Variants in PAICS observed in about 807,000 individuals in gnomAD.
PAICS encodes the protein bifunctional phosphoribosylaminoimidazole carboxylase/phosphoribosylaminoimidazole succinocarboxamide synthetase.
Under a neutral mutation model 53.7 loss-of-function variants are expected in PAICS, and 33 were observed. That is an observed-to-expected ratio of 0.61 (90% CI 0.47 to 0.82). The LOEUF (loss-of-function observed/expected upper bound fraction) is 0.82. Among genes scored for constraint, PAICS ranks in the 40% least tolerant of loss-of-function variants. The probability of loss-of-function intolerance (pLI) is 0.00; values close to 1 mark genes in which losing one functional copy is unlikely to be tolerated. For synonymous variants in PAICS, 141 were observed against 167.2 expected (o/e 0.84, Z 1.21); for missense variants, 394 against 494.1 (o/e 0.80, Z 1.92).
rs1398145432 is a variant in PAICS, at chr4:56,446,489, GAAC to G, written c.215-203_215-201del. 8.7e-6 allele frequency: 6 copies of G among 685,772 alleles called. No homozygotes were observed. In the African/African-American group the frequency reaches 8.9e-5, roughly 10 times the overall value. 42.5% of individuals were successfully genotyped at this position (685,772 alleles called of 1,614,324 possible). ...AGGAATTTCGTTCCTTTTTATGGCT[GAAC>G]AATACATTGTATGTATAGTCATGTG... On this transcript the variant is annotated intron_variant, in intron 2 of 8. Coordinates refer to ENST00000512576, the MANE Select transcript of PAICS (RefSeq NM_001079524.2).
chr4:56,415,558 C>T, the PAICS span, among the ~76,000 whole-genome samples: 1 of 152,092 alleles, frequency 6.6e-6, no homozygotes, highest in Admixed American at 6.5e-5. Context: ...TTCCTTAGTC[C>T]ATTTAAACAT....
the PAICS span, chr4:56,416,408 C>T: frequency 2.3e-6 from 2 of 888,876 alleles, no homozygotes; most frequent in Non-Finnish European, 2.7e-6. Context: ...TCCTTTACTT[C>T]TGGTTTCTCA....
the PAICS span, among the ~76,000 whole-genome samples, chr4:56,415,050 T>C: frequency 4.6e-5 from 7 of 152,232 alleles, 1 homozygote; most frequent in Admixed American, 4.6e-4. Flanking sequence ...TAATAGAGTT[T>C]TTAAGATGAT....
At chr4:56,448,890 T>A (rs1718756478) in intron 5 of PAICS, 67 bp downstream of exon 5, 4 of 862,910 alleles carry the variant, frequency 4.6e-6, no homozygotes, top group Non-Finnish European at 7.5e-6. Flanking sequence ...AAAGGAGAGA[T>A]GAGGGGAAAA....
At chr4:56,440,113 A>G (rs1578147252) in intron 1 of PAICS, among the ~76,000 whole-genome samples, 1 of 152,224 alleles carries the variant, frequency 6.6e-6, no homozygotes, top group Non-Finnish European at 1.5e-5. Context: ...CTCAATCAGC[A>G]TGGCTTGTGA....
the PAICS span, among the ~76,000 whole-genome samples, chr4:56,426,272 C>G: frequency 6.6e-6 from 1 of 151,964 alleles, no homozygotes; most frequent in African/African-American, 2.4e-5. Flanking sequence ...GTGGTGGCCG[C>G]GCACCTGTGG....
chr4:56,426,037 T>C, the PAICS span, among the ~76,000 whole-genome samples: 1 of 152,132 alleles, frequency 6.6e-6, no homozygotes, highest in South Asian at 2.1e-4. Flanking sequence ...ATAACTGTGG[T>C]TTTTAGTATA....
intron 7 of PAICS, among the ~76,000 whole-genome samples, chr4:56,452,456 T>C (rs2110094321): frequency 6.6e-6 from 1 of 152,344 alleles, no homozygotes; most frequent in East Asian, 1.9e-4. Flanking sequence ...ATTACAGGCA[T>C]GAGCCACCAC....
intron 8 of PAICS, among the ~76,000 whole-genome samples, chr4:56,457,990 A>G (rs1719311760): frequency 6.6e-6 from 1 of 152,232 alleles, no homozygotes; most frequent in Non-Finnish European, 1.5e-5. Context: ...AGATGTGATT[A>G]TACAAATGTC....
chr4:56,458,220 C>T (rs776714158), intron 8 of PAICS, among the ~76,000 whole-genome samples: 1 of 151,668 alleles, frequency 6.6e-6, no homozygotes, highest in African/African-American at 2.4e-5. Flanking sequence ...TTTACAGTAA[C>T]CTGTGTAAAA....
the PAICS span, chr4:56,410,591 A>T: frequency 1.0e-6 from 1 of 986,376 alleles, no homozygotes; most frequent in Non-Finnish European, 1.2e-6. Context: ...AGAAAAAAAT[A>T]TACGAAAACA....
At chr4:56,446,378 G>T (rs754547945) in intron 2 of PAICS, 9 of 717,614 alleles carry the variant, frequency 1.3e-5, no homozygotes, top group African/African-American at 3.5e-5. Flanking sequence ...AAGTCAAATC[G>T]TAAGTATTTG....
chr4:56,437,086 AAGT>A (rs776895610), intron 1 of PAICS, among the ~76,000 whole-genome samples: 22 of 143,696 alleles, frequency 1.5e-4, no homozygotes, highest in South Asian at 4.5e-4. Flanking sequence ...CGCGCGCGTG[AAGT>A]AGTCTTTGAT....
upstream of PAICS, among the ~76,000 whole-genome samples, chr4:56,434,273 T>C (rs1314593629): frequency 6.6e-6 from 1 of 152,180 alleles, no homozygotes; most frequent in African/African-American, 2.4e-5. Context: ...CAAAAAATAC[T>C]TCTAATTTAA....
chr4:56,420,057 G>A, the PAICS span: 1 of 950,340 alleles, frequency 1.1e-6, no homozygotes, highest in Non-Finnish European at 1.3e-6. Context: ...AGGTAGGAAG[G>A]TGAAGAAAAA....
chr4:56,456,925 A>G (rs998495532), intron 8 of PAICS, among the ~76,000 whole-genome samples: 4 of 152,102 alleles, frequency 2.6e-5, no homozygotes, highest in Admixed American at 2.6e-4. Flanking sequence ...ACTATAAAAA[A>G]CAATTGGAAA....
At chr4:56,435,881 C>A (rs1451736942), upstream of PAICS, 17 of 1,481,442 alleles carry the variant, frequency 1.1e-5, no homozygotes, top group Admixed American at 2.8e-4. Flanking sequence ...GAGCATTTAG[C>A]CTTCATATGC....
At chr4:56,425,528 G>C in the PAICS span, 2 of 210,572 alleles carry the variant, frequency 9.5e-6, no homozygotes, top group African/African-American at 2.4e-5. Flanking sequence ...TGTACTGTTG[G>C]TAATATTTTA....
intron 8 of PAICS, among the ~76,000 whole-genome samples, chr4:56,455,464 T>G (rs1719147815): frequency 1.3e-5 from 2 of 152,196 alleles, no homozygotes; most frequent in African/African-American, 4.8e-5. Flanking sequence ...AGGATCCCCC[T>G]TTACCATAAT....
Sources: gnomAD v4.1 joint callset for allele counts (sites outside exome capture counted in the v4.1 genomes callset) on GRCh38, gnomAD v4.1.1 for gene constraint, MANE v1.5 for transcripts, NCBI Gene and HGNC (gene_info 2026-07-23, HGNC 2026-07-21) for gene names.